The following KCNQ2 variants were observed in gnomAD, a reference collection of about 807,000 sequenced individuals.
KCNQ2 encodes potassium voltage-gated channel subfamily Q member 2, also known as potassium voltage-gated channel subfamily KQT member 2.
In KCNQ2, 14 loss-of-function variants were observed where a neutral mutation model predicts 84.8. That is an observed-to-expected ratio of 0.17 (90% CI 0.11 to 0.26). The LOEUF (loss-of-function observed/expected upper bound fraction) is 0.26. Among genes scored for constraint, KCNQ2 ranks in the 10% least tolerant of loss-of-function variants. KCNQ2 has a pLI of 1.00. For synonymous variants in KCNQ2, 599 were observed against 554.1 expected (o/e 1.08, Z -1.14); for missense variants, 788 against 1,254.0 (o/e 0.63, Z 5.61).
chr20:63,432,997 G>A (rs1397688771), intron 8 of KCNQ2, among the ~76,000 whole-genome samples: 1 of 152,224 alleles, frequency 6.6e-6, no homozygotes, highest in African/African-American at 2.4e-5. Flanking sequence ...TCAGAGCAGA[G>A]GGCGGGCGGG....
intron 12 of KCNQ2, among the ~76,000 whole-genome samples, chr20:63,415,614 A>C (rs1158531787): frequency 6.6e-6 from 1 of 152,046 alleles, no homozygotes. Flanking sequence ...AGGCGTGGCC[A>C]GAGGTTGGCC....
Position 63,413,601 on chromosome 20 carries a change from G to A in KCNQ2, c.1632-20C>T. ...ATGACACTGCAGGGGGGTGGGTGGG[G>A]CTGTGAGCCCTGGGCCAGAGACCCC... On this transcript the variant is annotated intron_variant, in intron 14 of 16. Coordinates refer to ENST00000359125, the MANE Select transcript of KCNQ2 (RefSeq NM_172107.4). 2 of 1,610,516 alleles carry A rather than the reference G, an allele frequency of 1.2e-6. No individual in the cohort carries two copies. Among genetic ancestry groups the A allele is most frequent in the Non-Finnish European group, 1.7e-6 (2 of 1,178,396 alleles).
intron 1 of KCNQ2, among the ~76,000 whole-genome samples, chr20:63,451,592 A>G (rs2081617344): frequency 6.6e-6 from 1 of 152,172 alleles, no homozygotes; most frequent in Non-Finnish European, 1.5e-5. Flanking sequence ...CCTGTGTGCA[A>G]AGTGCCTCCA....
At chr20:63,454,200 A>G (rs1438114781) in intron 1 of KCNQ2, among the ~76,000 whole-genome samples, 1 of 152,182 alleles carries the variant, frequency 6.6e-6, no homozygotes, top group African/African-American at 2.4e-5. Context: ...AGCTCCTTCC[A>G]GCTCAGCTTC....
chr20:63,447,690 G>A (rs1182443800), intron 1 of KCNQ2, among the ~76,000 whole-genome samples: 2 of 152,206 alleles, frequency 1.3e-5, no homozygotes, highest in African/African-American at 2.4e-5. Context: ...CGCCTCCCGG[G>A]TTCAAGCAAT....
intron 5 of KCNQ2, among the ~76,000 whole-genome samples, chr20:63,440,833 C>G (rs1380673975): frequency 6.6e-6 from 1 of 152,006 alleles, no homozygotes; most frequent in Non-Finnish European, 1.5e-5. Context: ...ACAGGAGACT[C>G]TGGGAAGGAG....
At chr20:63,428,986 C>T (rs868145688) in intron 9 of KCNQ2, among the ~76,000 whole-genome samples, 2 of 152,058 alleles carry the variant, frequency 1.3e-5, no homozygotes, top group Admixed American at 6.5e-5. Flanking sequence ...CTTGGGAATC[C>T]TCCGCAGGTG....
chr20:63,421,177 C>G (rs192194412), intron 11 of KCNQ2, among the ~76,000 whole-genome samples: 22 of 152,328 alleles, frequency 1.4e-4, no homozygotes, highest in African/African-American at 5.3e-4. Flanking sequence ...CCAGCATGAT[C>G]GCCTTGACCA....
intron 15 of KCNQ2, chr20:63,410,903 G>T: frequency 4.8e-6 from 2 of 415,146 alleles, no homozygotes. Context: ...CGCCCCAGGG[G>T]CTCTACCCTC....
rs746960988 is a variant in KCNQ2, at chr20:63,439,670, G to C, written c.855C>G (p.Pro285=). 9.3e-6 allele frequency: 15 copies of C among 1,613,736 alleles called. No individual in the cohort carries two copies. The East Asian group carries it at 3.1e-4, about 34-fold the overall frequency. ...CAAGGAGCCTGCCGTTCCAGGTCTGGGGGTACTTGTCCCCGTAGCCAATGG... is the reference window on the plus strand; with the variant it reads ...CAAGGAGCCTGCCGTTCCAGGTCTGCGGGTACTTGTCCCCGTAGCCAATGG... ...LTTIGYGDKY[P]QTWNGRLLAA... The change falls in exon 6 of 17, where the codon CCC becomes CCG. Residue 285 remains proline, a synonymous_variant. Coordinates refer to ENST00000359125, the MANE Select transcript of KCNQ2 (RefSeq NM_172107.4).
intron 4 of KCNQ2, among the ~76,000 whole-genome samples, chr20:63,442,824 T>C (rs899782784): frequency 1.4e-3 from 28 of 20,622 alleles, no homozygotes; most frequent in East Asian, 2.5e-3. Context: ...ACCATCACCA[T>C]CACCATCACC....
chr20:63,427,399 C>G (rs2314634), intron 10 of KCNQ2, among the ~76,000 whole-genome samples: 98,763 of 152,122 alleles, frequency 0.65, 32,307 homozygotes, highest in East Asian at 0.72. Context: ...TAGGCGTTTG[C>G]CACAGCCGCA....
chr20:63,448,133 G>A (rs554299532), intron 1 of KCNQ2: 8 of 152,386 alleles, frequency 5.2e-5, no homozygotes, highest in South Asian at 2.1e-4. Flanking sequence ...TCAAGCTGCC[G>A]CTTTGGCAGG....
Position 63,418,456 on chromosome 20 carries a change from C to T in KCNQ2, c.1301+1163G>A, listed in dbSNP as rs140143672. Among the ~76,000 whole-genome samples, 518 of 152,336 alleles carry T rather than the reference C, an allele frequency of 3.4e-3. 4 individuals carry two copies. The highest frequency in any genetic ancestry group is 0.024 in the Middle Eastern group (7 of 294). ...GCCCAGCTGGTGTCCGGACCAACGA[C>T]GCCCAGGAAGCGTGAGGATGAAGGG... On this transcript the variant is annotated intron_variant, in intron 12 of 16. Coordinates refer to ENST00000359125, the MANE Select transcript of KCNQ2 (RefSeq NM_172107.4).
chr20:63,457,194 C>G (rs1335578038), intron 1 of KCNQ2, among the ~76,000 whole-genome samples: 1 of 152,264 alleles, frequency 6.6e-6, no homozygotes. Context: ...ACAAGGGCCA[C>G]GCTCCTGCAG....
At chr20:63,461,265 G>A (rs766617272) in intron 1 of KCNQ2, among the ~76,000 whole-genome samples, 13 of 152,320 alleles carry the variant, frequency 8.5e-5, no homozygotes, top group Non-Finnish European at 1.3e-4. Context: ...CTTTCTTCAC[G>A]TGATCTTAAC....
At chr20:63,462,123 A>G (rs1343672144) in intron 1 of KCNQ2, among the ~76,000 whole-genome samples, 21 of 102,624 alleles carry the variant, frequency 2.0e-4, no homozygotes, top group South Asian at 3.8e-4. Context: ...GGAGCAGGGA[A>G]GAGGCTGCAC....
chr20:63,417,756 G>A (rs1466251687), intron 12 of KCNQ2, among the ~76,000 whole-genome samples: 3 of 152,218 alleles, frequency 2.0e-5, no homozygotes, highest in Admixed American at 6.5e-5. Context: ...ACCCAGCCCC[G>A]ACGTCTGCTT....
intron 4 of KCNQ2, among the ~76,000 whole-genome samples, chr20:63,442,974 CCAT>C (rs1568935466): frequency 1.4e-4 from 10 of 71,188 alleles, no homozygotes; most frequent in East Asian, 5.1e-4. Flanking sequence ...ACCACCACCA[CCAT>C]CACCACCATT....
Sources: gnomAD v4.1 joint callset for allele counts (sites outside exome capture counted in the v4.1 genomes callset) on GRCh38, gnomAD v4.1.1 for gene constraint, MANE v1.5 for transcripts, NCBI Gene and HGNC (gene_info 2026-07-23, HGNC 2026-07-21) for gene names.